The following CHURC1 variants were observed in gnomAD, a reference collection of about 807,000 sequenced individuals.
CHURC1 encodes the protein churchill domain containing 1, also known as protein Churchill.
A neutral mutation model predicts 15.4 loss-of-function variants in CHURC1; 12 were observed. The observed-to-expected ratio is 0.78, with a 90% CI of 0.50 to 1.27. The LOEUF (loss-of-function observed/expected upper bound fraction) is 1.27, where lower values mean the gene tolerates loss of function less well. Among genes scored for constraint, CHURC1 ranks in the 50% most tolerant of loss-of-function variants. CHURC1 has a pLI of 0.00. For missense variants in CHURC1, 132 were observed against 137.8 expected (o/e 0.96, Z 0.21); for synonymous variants, 42 against 47.5 (o/e 0.88, Z 0.48).
intron 2 of CHURC1, 126 bp from the exon 3 acceptor site, chr14:64,925,884 C>T (rs1884663270): frequency 5.2e-6 from 3 of 581,566 alleles, no homozygotes; most frequent in Non-Finnish European, 8.5e-6. Flanking sequence ...TAATGGGTTT[C>T]CTCCTATGTT....
intron 2 of CHURC1, 49 bp from the exon 3 acceptor site, chr14:64,925,961 A>T: frequency 1.5e-6 from 2 of 1,377,768 alleles, no homozygotes; most frequent in Non-Finnish European, 9.9e-7. Flanking sequence ...TAGAAGTTTT[A>T]AGAAACTCTC....
At chr14:64,916,395 A>T (rs1883882478) in intron 1 of CHURC1, among the ~76,000 whole-genome samples, 1 of 152,198 alleles carries the variant, frequency 6.6e-6, no homozygotes, top group African/African-American at 2.4e-5. Flanking sequence ...CTACAGATGT[A>T]CACTTTATAA....
chr14:64,920,733 TTA>T (rs1884226626), intron 1 of CHURC1, among the ~76,000 whole-genome samples: 1 of 152,186 alleles, frequency 6.6e-6, no homozygotes, highest in Non-Finnish European at 1.5e-5. Context: ...CAGTTCAGAG[TTA>T]TATTTATTTG....
chr14:64,919,925 A>G (rs1476667290), intron 1 of CHURC1, among the ~76,000 whole-genome samples: 1 of 151,782 alleles, frequency 6.6e-6, no homozygotes, highest in East Asian at 1.9e-4. Context: ...AAAAAAGAGC[A>G]AACTAAACCC....
chr14:64,931,820 G>A (rs931985521), intron 3 of CHURC1, among the ~76,000 whole-genome samples: 1 of 152,208 alleles, frequency 6.6e-6, no homozygotes, highest in Non-Finnish European at 1.5e-5. Context: ...AGGAACAGCT[G>A]TAAGAATAGG....
intron 1 of CHURC1, among the ~76,000 whole-genome samples, chr14:64,921,877 G>A (rs1304960399): frequency 6.6e-6 from 1 of 152,098 alleles, no homozygotes; most frequent in Non-Finnish European, 1.5e-5. Context: ...GCCCCAAATG[G>A]AAACAACCCA....
chr14:64,914,598 G>T, intron 1 of CHURC1, 64 bp downstream of exon 1: 1 of 1,607,788 alleles, frequency 6.2e-7, no homozygotes, highest in Non-Finnish European at 8.5e-7. Context: ...TCCAAGGCTG[G>T]CCTTCCCAGA....
intron 1 of CHURC1, among the ~76,000 whole-genome samples, chr14:64,922,281 TAAAAA>T (rs561684751): frequency 6.7e-6 from 1 of 149,438 alleles, no homozygotes; most frequent in African/African-American, 2.5e-5. Context: ...TAGATTTTAT[TAAAAA>T]AAAAATCAAA....
intron 2 of CHURC1, 79 bp from the exon 3 acceptor site, chr14:64,925,931 G>A: frequency 9.7e-7 from 1 of 1,027,466 alleles, no homozygotes; most frequent in South Asian, 1.8e-5. Flanking sequence ...TAAATAATAT[G>A]CTGAGAATAG....
At chr14:64,921,502 C>T (rs1425191346) in intron 1 of CHURC1, among the ~76,000 whole-genome samples, 1 of 151,916 alleles carries the variant, frequency 6.6e-6, no homozygotes, top group Non-Finnish European at 1.5e-5. Context: ...TGAAAATGGG[C>T]AAAAGACTTG....
At chr14:64,916,226 A>G (rs1357177083) in intron 1 of CHURC1, among the ~76,000 whole-genome samples, 1 of 152,246 alleles carries the variant, frequency 6.6e-6, no homozygotes, top group Non-Finnish European at 1.5e-5. Flanking sequence ...TTATTCAAGG[A>G]TGTACCTGGG....
At chr14:64,925,944 A>G in intron 2 of CHURC1, 66 bp from the exon 3 acceptor site, 1 of 1,214,492 alleles carries the variant, frequency 8.2e-7, no homozygotes, top group Non-Finnish European at 1.2e-6. Context: ...GAGAATAGAA[A>G]TTTTAATAGA....
chr14:64,925,246 AATC>A lies in CHURC1; in HGVS notation c.176-760_176-758del, dbSNP rs1192450815. On this transcript the variant is annotated intron_variant, in intron 2 of 3. Coordinates refer to ENST00000549115, the MANE Select transcript of CHURC1 (RefSeq NM_001386928.1). ...TATTTAAAATAGTAAGCACTCAATA[AATC>A]ATCGTTTTTACTAGATTATTTTGTT... Among the ~76,000 whole-genome samples, 6 of 152,326 alleles carry A rather than the reference AATC, an allele frequency of 3.9e-5. No individual in the cohort carries two copies. The East Asian group carries it at 9.6e-4, about 24-fold the overall frequency.
chr14:64,916,883 T>A (rs2139875880), intron 1 of CHURC1, among the ~76,000 whole-genome samples: 1 of 152,022 alleles, frequency 6.6e-6, no homozygotes, highest in East Asian at 1.9e-4. Flanking sequence ...GGGCCTTAGG[T>A]TGGATTCTTA....
intron 1 of CHURC1, among the ~76,000 whole-genome samples, chr14:64,917,300 C>T (rs1044881054): frequency 6.6e-6 from 1 of 152,202 alleles, no homozygotes; most frequent in African/African-American, 2.4e-5. Flanking sequence ...CGGTGGCTCA[C>T]GCCTATAATC....
chr14:64,930,209 G>A (rs1885003542), intron 3 of CHURC1, among the ~76,000 whole-genome samples: 1 of 152,036 alleles, frequency 6.6e-6, no homozygotes, highest in African/African-American at 2.4e-5. Flanking sequence ...CTGCCCAGTT[G>A]GAGCCTTTGA....
At chr14:64,916,557 G>T (rs1423415181) in intron 1 of CHURC1, among the ~76,000 whole-genome samples, 2 of 152,028 alleles carry the variant, frequency 1.3e-5, no homozygotes, top group African/African-American at 4.8e-5. Flanking sequence ...ATATTAAAGA[G>T]ATTAGGTTGG....
At chr14:64,914,568 G>C (rs535384093) in intron 1 of CHURC1, 34 bp downstream of exon 1, 2 of 1,613,360 alleles carry the variant, frequency 1.2e-6, no homozygotes, top group African/African-American at 2.7e-5. Context: ...GCCCGCGGGC[G>C]GCCCCCGAGG....
chr14:64,932,654 T>A lies in CHURC1; in HGVS notation c.*424T>A, dbSNP rs925965346. 13 of 157,468 alleles carry A rather than the reference T, an allele frequency of 8.3e-5. No individual in the cohort carries two copies. Among genetic ancestry groups the A allele is most frequent in the African/African-American group, 2.1e-4 (7 of 34,038 alleles). 9.8% of individuals were successfully genotyped at this position (157,468 alleles called of 1,614,324 possible). A position where few individuals can be genotyped will look rare whatever the true frequency, so the allele number is the denominator to read the frequency against. ...AAGTACTGAAATTAAAAAAAAAAAA[T>A]CATAGTGATTGGGAGTATGTCAGCA... On this transcript the variant is annotated 3_prime_UTR_variant, in exon 4 of 4. Transcript: ENST00000549115.
Sources: allele counts gnomAD v4.1 joint callset (sites outside exome capture counted in the v4.1 genomes callset), GRCh38; gene constraint gnomAD v4.1.1; transcripts MANE v1.5; gene names NCBI Gene and HGNC (gene_info 2026-07-23, HGNC 2026-07-21).